The following PRKN variants were observed in gnomAD, a reference collection of about 807,000 sequenced individuals.
The protein encoded by PRKN is parkin RBR E3 ubiquitin protein ligase.
Under a neutral mutation model 59.5 loss-of-function variants are expected in PRKN, and 56 were observed. The observed-to-expected ratio is 0.94, with a 90% CI of 0.76 to 1.18. PRKN has a LOEUF of 1.18. PRKN is among the 50% of genes most tolerant of loss of function. PRKN has a pLI of 0.00. For synonymous variants in PRKN, 250 were observed against 222.1 expected, an observed-to-expected ratio of 1.13 and a Z score of -1.12; for missense variants, 657 against 596.4, an observed-to-expected ratio of 1.10 and a Z score of -1.06.
At chr6:161,920,543 C>A (rs957163952) in intron 6 of PRKN, among the ~76,000 whole-genome samples, 3 of 152,014 alleles carry the variant, frequency 2.0e-5, no homozygotes, top group Non-Finnish European at 4.4e-5. Context: ...GTAATCCCAG[C>A]ACTTTGGGAG....
intron 7 of PRKN, among the ~76,000 whole-genome samples, chr6:161,716,626 A>G (rs983186050): frequency 6.6e-6 from 1 of 152,260 alleles, no homozygotes; most frequent in African/African-American, 2.4e-5. Flanking sequence ...GGGGGAAAAG[A>G]AACAAAGGCT....
chr6:161,935,986 C>T (rs1279763626), intron 6 of PRKN, among the ~76,000 whole-genome samples: 2 of 152,116 alleles, frequency 1.3e-5, no homozygotes, highest in Admixed American at 1.3e-4. Flanking sequence ...GGTAACAAAA[C>T]TCTTGTGCCT....
chr6:162,688,854 G>T (rs1266536192), intron 1 of PRKN, among the ~76,000 whole-genome samples: 2 of 152,106 alleles, frequency 1.3e-5, no homozygotes, highest in East Asian at 1.9e-4. Flanking sequence ...CTTTATAATT[G>T]TGTTTTTACT....
At chr6:162,175,327 A>T (rs888033448) in intron 4 of PRKN, among the ~76,000 whole-genome samples, 3 of 152,202 alleles carry the variant, frequency 2.0e-5, no homozygotes, top group African/African-American at 4.8e-5. Context: ...GCCAGGGGAG[A>T]AGGTGATTTT....
At chr6:161,742,247 G>A (rs1475693050) in intron 7 of PRKN, among the ~76,000 whole-genome samples, 11 of 152,176 alleles carry the variant, frequency 7.2e-5, no homozygotes, top group Admixed American at 7.2e-4. Flanking sequence ...TGGGATTACA[G>A]GCATGAGCCA....
At chr6:162,149,796 C>T (rs1459411428) in intron 4 of PRKN, among the ~76,000 whole-genome samples, 2 of 152,060 alleles carry the variant, frequency 1.3e-5, no homozygotes, top group African/African-American at 2.4e-5. Flanking sequence ...GTGTCACTAA[C>T]GTGGAAGGGC....
At chr6:162,313,488 T>C (rs992045971) in intron 2 of PRKN, among the ~76,000 whole-genome samples, 5 of 150,866 alleles carry the variant, frequency 3.3e-5, no homozygotes, top group Admixed American at 1.3e-4. Context: ...ACTGTATCAA[T>C]TTTTTTTTAT....
At chr6:162,477,694 C>T (rs746941393) in intron 1 of PRKN, among the ~76,000 whole-genome samples, 6 of 152,128 alleles carry the variant, frequency 3.9e-5, no homozygotes, top group African/African-American at 9.7e-5. Flanking sequence ...CTCTCTGCTG[C>T]GGCCTCTCCT....
rs151093253 is a variant in PRKN at position 161,535,341 on chromosome 6, A to G, written c.1083+13513T>C. On this transcript the variant is annotated intron_variant, in intron 9 of 11. Coordinates refer to ENST00000366898, the MANE Select transcript of PRKN (RefSeq NM_004562.3). ...GTTACAAAAAAAGATAACCAAGGAA[A>G]TACTCAATTCTGTTAGAAATAAAAA... Among the ~76,000 whole-genome samples, 113 of 151,586 alleles carry G rather than the reference A, an allele frequency of 7.5e-4. No homozygotes were observed. In the East Asian group the frequency reaches 0.013, roughly 17 times the overall value.
Position 162,724,254 on chromosome 6 carries a change from C to T in PRKN, c.7+3408G>A, listed in dbSNP as rs75313605. On this transcript the variant is annotated intron_variant, in intron 1 of 11. Coordinates refer to ENST00000366898, the MANE Select transcript of PRKN (RefSeq NM_004562.3). ...TTCTGCTTTATATCATCTTGAAGTC[C>T]TTCTCCACACTTTCCACAAAGGCAC... 5.6e-4 allele frequency among the ~76,000 whole-genome samples: 85 copies of T among 152,242 alleles called. 1 individual carries two copies. The East Asian group carries it at 0.013, about 22-fold the overall frequency.
chr6:162,682,890 A>G (rs1247172230), intron 1 of PRKN, among the ~76,000 whole-genome samples: 1 of 152,204 alleles, frequency 6.6e-6, no homozygotes, highest in Non-Finnish European at 1.5e-5. Flanking sequence ...GAAGAATCCC[A>G]AAATGAAATT....
At chr6:162,471,986 T>C (rs1791769894) in intron 1 of PRKN, among the ~76,000 whole-genome samples, 2 of 152,184 alleles carry the variant, frequency 1.3e-5, no homozygotes, top group Non-Finnish European at 2.9e-5. Flanking sequence ...ACCTGGTCCA[T>C]AAGAACATTG....
intron 2 of PRKN, among the ~76,000 whole-genome samples, chr6:162,356,168 C>T (rs1784848063): frequency 6.6e-6 from 1 of 152,092 alleles, no homozygotes; most frequent in South Asian, 2.1e-4. Context: ...ATATCTTCTA[C>T]CCTTGGTCAC....
At chr6:162,236,184 G>C (rs1327439788) in intron 3 of PRKN, among the ~76,000 whole-genome samples, 2 of 152,128 alleles carry the variant, frequency 1.3e-5, no homozygotes, top group Non-Finnish European at 2.9e-5. Flanking sequence ...AACTGGAAGG[G>C]ACATTAATAT....
chr6:161,984,650 T>C (rs1234178497), intron 5 of PRKN, among the ~76,000 whole-genome samples: 1 of 152,196 alleles, frequency 6.6e-6, no homozygotes, highest in African/African-American at 2.4e-5. Flanking sequence ...TTTTCCTTTA[T>C]TATCTTTATT....
At chr6:162,334,107 G>A (rs1783718987) in intron 2 of PRKN, among the ~76,000 whole-genome samples, 1 of 152,176 alleles carries the variant, frequency 6.6e-6, no homozygotes, top group South Asian at 2.1e-4. Context: ...AGCTAGCAGA[G>A]GTTGGTTCAT....
intron 2 of PRKN, among the ~76,000 whole-genome samples, chr6:162,373,909 T>C (rs1216472621): frequency 3.9e-5 from 6 of 152,044 alleles, no homozygotes; most frequent in Admixed American, 2.0e-4. Flanking sequence ...AAAAGGAAAA[T>C]GATGTACAGA....
At chr6:161,694,406 G>A (rs984100730) in intron 7 of PRKN, among the ~76,000 whole-genome samples, 1 of 151,886 alleles carries the variant, frequency 6.6e-6, no homozygotes, top group African/African-American at 2.4e-5. Context: ...TATACATAAC[G>A]TAAATACCCT....
chr6:161,777,659 T>TATA (rs1789983586), intron 7 of PRKN, among the ~76,000 whole-genome samples: 1 of 133,250 alleles, frequency 7.5e-6, no homozygotes, highest in African/African-American at 2.8e-5. Flanking sequence ...TATATATATA[T>TATA]TATATATATG....
Sources: gnomAD v4.1 joint callset for allele counts (sites outside exome capture counted in the v4.1 genomes callset) on GRCh38, gnomAD v4.1.1 for gene constraint, MANE v1.5 for transcripts, NCBI Gene and HGNC (gene_info 2026-07-23, HGNC 2026-07-21) for gene names.